The following UVRAG variants were observed in gnomAD, a reference collection of about 807,000 sequenced individuals.
UVRAG encodes UV radiation resistance-associated gene protein.
In UVRAG, 19 loss-of-function variants were observed where a neutral mutation model predicts 78.0. The ratio of observed to expected loss-of-function variants is 0.24; its 90% CI spans 0.17 to 0.36. The LOEUF (loss-of-function observed/expected upper bound fraction) is 0.36. UVRAG is among the 10% of genes least tolerant of loss of function. UVRAG has a pLI of 1.00. For missense variants in UVRAG, 740 were observed against 853.8 expected (o/e 0.87, Z 1.66); for synonymous variants, 323 against 324.6 (o/e 1.00, Z 0.05).
chr11:75,824,788 C>G (rs564127318), intron 1 of UVRAG, among the ~76,000 whole-genome samples: 1 of 151,634 alleles, frequency 6.6e-6, no homozygotes, highest in African/African-American at 2.4e-5. Context: ...ATTCTCCTGC[C>G]TCAGCCTCCC....
At chr11:75,997,946 T>G (rs1242703035) in intron 8 of UVRAG, among the ~76,000 whole-genome samples, 1 of 152,214 alleles carries the variant, frequency 6.6e-6, no homozygotes, top group Non-Finnish European at 1.5e-5. Flanking sequence ...CTGACCTGCT[T>G]AGGTCCCACG....
intron 7 of UVRAG, among the ~76,000 whole-genome samples, chr11:75,971,624 A>G (rs1210911197): frequency 3.3e-5 from 5 of 152,046 alleles, no homozygotes; most frequent in Admixed American, 6.5e-5. Flanking sequence ...CTTGCCATCT[A>G]TATATCTTCT....
At chr11:75,846,274 A>G (rs1946031545) in intron 1 of UVRAG, among the ~76,000 whole-genome samples, 1 of 151,856 alleles carries the variant, frequency 6.6e-6, no homozygotes, top group African/African-American at 2.4e-5. Flanking sequence ...TCATTAGACA[A>G]GTTCTTAGAT....
chr11:75,945,440 A>C (rs950756730), intron 6 of UVRAG, among the ~76,000 whole-genome samples: 1 of 152,118 alleles, frequency 6.6e-6, no homozygotes, highest in African/African-American at 2.4e-5. Flanking sequence ...GTCTAGATGG[A>C]GCATGCTCCC....
intron 3 of UVRAG, among the ~76,000 whole-genome samples, chr11:75,877,915 A>AC (rs1407271819): frequency 6.0e-4 from 57 of 95,386 alleles, no homozygotes; most frequent in Admixed American, 1.8e-3. Flanking sequence ...CGGGGGGCTG[A>AC]CCCCCCCACC....
intron 8 of UVRAG, among the ~76,000 whole-genome samples, chr11:75,995,179 GTTTTT>G (rs576218071): frequency 2.1e-5 from 3 of 140,804 alleles, no homozygotes; most frequent in African/African-American, 7.7e-5. Flanking sequence ...TTTTATAAAA[GTTTTT>G]TTTTTTTTTA....
At chr11:75,984,454 G>T (rs973269511) in intron 8 of UVRAG, among the ~76,000 whole-genome samples, 6 of 152,190 alleles carry the variant, frequency 3.9e-5, no homozygotes, top group Non-Finnish European at 5.9e-5. Flanking sequence ...AAGGTTTCAT[G>T]ATCAGTAGGT....
chr11:75,981,579 C>G (rs914926942), intron 7 of UVRAG, among the ~76,000 whole-genome samples: 1 of 152,016 alleles, frequency 6.6e-6, no homozygotes, highest in Admixed American at 6.6e-5. Context: ...GCCACTGAGT[C>G]GTTGGGATTA....
chr11:76,117,442 G>C (rs1952201741), intron 14 of UVRAG, among the ~76,000 whole-genome samples: 1 of 152,072 alleles, frequency 6.6e-6, no homozygotes, highest in Non-Finnish European at 1.5e-5. Flanking sequence ...TCCCTATTCT[G>C]TTCTGTTGCT....
chr11:75,928,572 C>T (rs1358905854), intron 6 of UVRAG, among the ~76,000 whole-genome samples: 1 of 150,984 alleles, frequency 6.6e-6, no homozygotes, highest in Non-Finnish European at 1.5e-5. Flanking sequence ...TGAGACCAGC[C>T]TAGGTAACAT....
At chr11:75,911,735 T>C in intron 5 of UVRAG, 1 of 401,012 alleles carries the variant, frequency 2.5e-6, no homozygotes, top group Non-Finnish European at 4.5e-6. Context: ...CCTTCTCCAC[T>C]CTTGTCAGAT....
chr11:75,972,799 G>A (rs1949150836), intron 7 of UVRAG, among the ~76,000 whole-genome samples: 1 of 152,136 alleles, frequency 6.6e-6, no homozygotes. Flanking sequence ...TAATTTGATG[G>A]ATAATTGGAT....
Position 75,815,346 on chromosome 11 carries a change from A to G in UVRAG, c.-62A>G, listed in dbSNP as rs1945234427. The G allele has an allele frequency of 1.1e-6, 1 of 918,964 alleles. No homozygotes were observed. Among genetic ancestry groups the G allele is most frequent in the East Asian group, 3.3e-5 (1 of 30,206 alleles). 56.9% of individuals were successfully genotyped at this position (918,964 alleles called of 1,614,324 possible). A position where few individuals can be genotyped will look rare whatever the true frequency, so the allele number is the denominator to read the frequency against. ...TGCAGGGGCTTGGTAGGTGGTGGCA[A>G]GGGGGCGGCGGCGGATGCCGGAAGA... On this transcript the variant is annotated 5_prime_UTR_variant, in exon 1 of 15. Transcript: ENST00000356136.
At chr11:76,086,298 G>A (rs1386133880) in intron 13 of UVRAG, among the ~76,000 whole-genome samples, 2 of 152,122 alleles carry the variant, frequency 1.3e-5, no homozygotes, top group Non-Finnish European at 2.9e-5. Flanking sequence ...CCTAAAGTGG[G>A]TATTGGATTT....
chr11:76,037,058 A>C (rs1950548248), intron 12 of UVRAG, among the ~76,000 whole-genome samples: 1 of 152,194 alleles, frequency 6.6e-6, no homozygotes, highest in Non-Finnish European at 1.5e-5. Flanking sequence ...GAACCTAAAG[A>C]AATAAGGTGA....
At chr11:76,065,856 T>G in intron 13 of UVRAG, 68 bp downstream of exon 13, 1 of 1,463,926 alleles carries the variant, frequency 6.8e-7, no homozygotes. Context: ...TTGCCAGCCT[T>G]TTTTCTTTAT....
At chr11:75,923,985 CAA>C (rs1948032512) in intron 6 of UVRAG, among the ~76,000 whole-genome samples, 1 of 152,118 alleles carries the variant, frequency 6.6e-6, no homozygotes, top group South Asian at 2.1e-4. Flanking sequence ...TAAACTAAAA[CAA>C]AATATTTCAG....
chr11:75,828,697 GTATATA>G (rs139603894), intron 1 of UVRAG, among the ~76,000 whole-genome samples: 4 of 134,010 alleles, frequency 3.0e-5, no homozygotes, highest in African/African-American at 8.5e-5. Context: ...ACATGTGTGT[GTATATA>G]TATATATGTG....
chr11:75,927,156 G>A (rs1166665807), intron 6 of UVRAG, among the ~76,000 whole-genome samples: 1 of 150,128 alleles, frequency 6.7e-6, no homozygotes, highest in Non-Finnish European at 1.5e-5. Flanking sequence ...TGCAACCTCC[G>A]CCTCCCAGGT....
Sources: gnomAD v4.1 joint callset for allele counts (sites outside exome capture counted in the v4.1 genomes callset) on GRCh38, gnomAD v4.1.1 for gene constraint, MANE v1.5 for transcripts, NCBI Gene and HGNC (gene_info 2026-07-23, HGNC 2026-07-21) for gene names.